BAG6: variants seen among roughly 807,000 people sequenced by gnomAD.
BAG6 encodes BAG cochaperone 6, also known as large proline-rich protein BAG6.
A neutral mutation model predicts 121.0 loss-of-function variants in BAG6; 22 were observed. That is an observed-to-expected ratio of 0.18 (90% CI 0.13 to 0.26). BAG6 has a LOEUF of 0.26. BAG6 is among the 10% of genes least tolerant of loss of function. The pLI, the probability that BAG6 is intolerant of heterozygous loss-of-function variation, is 1.00. For synonymous variants in BAG6, 583 were observed against 584.6 expected (o/e 1.00, Z 0.04); for missense variants, 1,233 against 1,537.7 (o/e 0.80, Z 3.31).
At chr6:31,649,417 C>A in intron 3 of BAG6, 22 bp from the exon 4 acceptor site, 10 of 1,605,754 alleles carry the variant, frequency 6.2e-6, no homozygotes, top group Non-Finnish European at 8.5e-6. Context: ...TAGACACACA[C>A]CAAAACATAG....
chr6:31,651,568 G>T, intron 2 of BAG6, 88 bp downstream of exon 2: 2 of 1,199,674 alleles, frequency 1.7e-6, no homozygotes, highest in South Asian at 2.6e-5. Flanking sequence ...AAAATCTGGT[G>T]ACCAGAAAAT....
rs756648977 is a variant in BAG6, at chr6:31,641,567, C to T, written c.2531G>A (p.Gly844Glu). ...IRMATHTLIT[G>E]LEEYVRESFS... is the part of the protein sequence containing the mutation. ...ACTCTCCCGCACATACTCTTCTAGC[C>T]CCGTGATCAATGTGTGGGTTGCCAT... Residue 844 changes from glycine to glutamate, a missense_variant, in exon 18 of 26, where the codon GGG becomes GAG. Gly to Glu is a moderately conservative substitution (Grantham distance 98). Around this residue, in one of 7 missense-constraint regions of BAG6, gnomAD observed 288 missense variants for 483.1 expected, o/e 0.60. Coordinates refer to ENST00000676615, the MANE Select transcript of BAG6 (RefSeq NM_001387994.1). The surrounding 1 kb of genome is among the most constrained non-coding windows in gnomAD (Gnocchi z 5.7). 2 of 1,614,082 alleles carry T rather than the reference C, an allele frequency of 1.2e-6. No homozygotes were observed. The highest frequency in any genetic ancestry group is 1.7e-6 in the Non-Finnish European group (2 of 1,179,976).
At position 31,643,023 on chromosome 6, in the gene BAG6, C is replaced by T. The variant is rs1338151062; in HGVS notation, c.1849G>A (p.Ala617Thr). 9.4e-6 allele frequency: 15 copies of T among 1,589,370 alleles called. No individual in the cohort carries two copies. The highest frequency in any genetic ancestry group is 1.7e-4 in the Middle Eastern group (1 of 6,044). The change falls in exon 15 of 26, where the codon GCT becomes ACT. Residue 617 changes from alanine to threonine, a missense_variant. Coordinates refer to ENST00000676615, the MANE Select transcript of BAG6 (RefSeq NM_001387994.1). ...TTNTATTAGP[A>T]PGGPAQPPPT... ...GGAGGCTGGGCAGGCCCCCCAGGAG[C>T]GGGGCCAGCTGTGGTAGCTGTGTTG...
Position 31,641,621 on chromosome 6 carries a change from C to A in BAG6, c.2506-29G>T, listed in dbSNP as rs1319890867. 6.2e-7 allele frequency: 1 copy of A among 1,614,032 alleles called. No homozygotes were observed. The highest frequency in any genetic ancestry group is 1.7e-5 in the Admixed American group (1 of 60,024). On this transcript the variant is annotated intron_variant, in intron 17 of 25. Transcript: ENST00000676615. The surrounding 1 kb of genome is among the most constrained non-coding windows in gnomAD (Gnocchi z 5.7). ...TGGAGGAAACAGAACAGGTTTAGTT[C>A]AAAGCCTCAGTCCTCCCAAGACTTC...
Position 31,644,338 on chromosome 6 carries a change from G to T in BAG6, c.1524C>A (p.Ala508=), listed in dbSNP as rs1786407968. ...HAVAHQITHQ[A]MVAAVASAAA... ...CCGCGGAGGCAACAGCTGCCACCATGGCCTGATGAGTGATCTGGTGGGCGA... is the reference window on the plus strand; with the variant it reads ...CCGCGGAGGCAACAGCTGCCACCATTGCCTGATGAGTGATCTGGTGGGCGA... Residue 508 remains alanine (A), a synonymous_variant, in exon 12 of 26, where the codon GCC becomes GCA. Coordinates refer to ENST00000676615, the MANE Select transcript of BAG6 (RefSeq NM_001387994.1). This position sits in a 1 kb window ranked among gnomAD's most constrained non-coding sequence, Gnocchi z 4.9. 2 of 1,551,512 alleles carry T rather than the reference G, an allele frequency of 1.3e-6. No homozygotes were observed. Among genetic ancestry groups the T allele is most frequent in the Non-Finnish European group, 1.7e-6 (2 of 1,147,168 alleles).
chr6:31,649,281 G>A lies in BAG6; in HGVS notation c.341C>T (p.Pro114Leu). ...GGCCCCAGGCCCCCGAGTACCAGGG[G>A]GGGATCCCCCACCATGAGTGGCTGA... ...SASATHGGGSPPGTRGPGASV... is the reference protein window; with the variant it reads ...SASATHGGGSLPGTRGPGASV... The change falls in exon 4 of 26, where the codon CCC becomes CTC. Residue 114 changes from proline (P) to leucine (L), a missense_variant. Physicochemically the swap from Pro to Leu is moderately conservative, Grantham distance 98. This residue lies in a region of BAG6 where 777 missense variants were observed against 861.4 expected (regional missense o/e 0.90). Transcript: ENST00000676615. 1.9e-6 allele frequency: 3 copies of A among 1,613,194 alleles called. No homozygotes were observed. The highest frequency in any genetic ancestry group is 1.1e-5 in the South Asian group (1 of 91,078).
In BAG6 at chr6:31,644,183, G is replaced by A. The variant is rs755161738; in HGVS notation, c.1567C>T (p.Pro523Ser). 1.3e-5 allele frequency: 21 copies of A among 1,613,378 alleles called. No homozygotes were observed. The South Asian group carries it at 2.1e-4, about 16-fold the overall frequency. ...VASAAAGQQV[P>S]GFPTAPTRVV... ...CGGGTTGGAGCTGTTGGGAAGCCTG[G>A]CACCTGCTGTCCTGTGGGTGGCAGA... The change falls in exon 13 of 26, where the codon CCA (proline) becomes TCA (serine). Residue 523 changes from proline (P) to serine (S), a missense_variant. Physicochemically the swap from Pro to Ser is moderately conservative, Grantham distance 74. Coordinates refer to ENST00000676615, the MANE Select transcript of BAG6 (RefSeq NM_001387994.1). The surrounding 1 kb of genome is among the most constrained non-coding windows in gnomAD (Gnocchi z 4.9).
At chr6:31,643,864 C>A in intron 14 of BAG6, 26 bp downstream of exon 14, 1 of 1,609,826 alleles carries the variant, frequency 6.2e-7, no homozygotes, top group African/African-American at 1.3e-5. Flanking sequence ...AGTTTAAACT[C>A]TGAGTGGGGA....
intron 2 of BAG6, 113 bp from the exon 3 acceptor site, chr6:31,649,740 C>T (rs1385645886): frequency 3.5e-6 from 3 of 848,034 alleles, no homozygotes; most frequent in East Asian, 2.4e-5. Context: ...AATCACTACC[C>T]GTTTGTCTTG....
rs1400132197 is a variant in BAG6 at position 31,646,498 on chromosome 6, C to T, written c.814G>A (p.Glu272Lys). 1 of 1,612,720 alleles carries T rather than the reference C, an allele frequency of 6.2e-7. No individual in the cohort carries two copies. The highest frequency in any genetic ancestry group is 1.7e-5 in the Admixed American group (1 of 60,008). Reference sequence around the variant, plus strand: ...AGCCGCTGTAGCTCCTGGAGCACCTCGACATACTCCGCAGGGGAAGGATGG... The same window carrying T: ...AGCCGCTGTAGCTCCTGGAGCACCTTGACATACTCCGCAGGGGAAGGATGG... ...PNHPSPAEYV[E>K]VLQELQRLES... The change falls in exon 8 of 26, where the codon GAG becomes AAG. Residue 272 changes from glutamate to lysine, a missense_variant. Transcript: ENST00000676615.
intron 8 of BAG6, among the ~76,000 whole-genome samples, chr6:31,645,952 TAG>T (rs1304577246): frequency 6.6e-6 from 1 of 152,204 alleles, no homozygotes; most frequent in Non-Finnish European, 1.5e-5. Flanking sequence ...CTTACAGGTT[TAG>T]AGAGAAATTG....
At chr6:31,643,212 GC>G in intron 14 of BAG6, 97 bp from the exon 15 acceptor site, 1 of 1,285,736 alleles carries the variant, frequency 7.8e-7, no homozygotes, top group Non-Finnish European at 1.1e-6. Flanking sequence ...AACTGCTTGA[GC>G]CCAGGAGTCT....
chr6:31,642,494 G>A (rs1162813333), intron 15 of BAG6, 91 bp from the exon 16 acceptor site: 3 of 671,608 alleles, frequency 4.5e-6, no homozygotes, highest in African/African-American at 1.8e-5. Context: ...ACAAACCAAC[G>A]GGTCTGGGAA....
intron 6 of BAG6, 113 bp from the exon 7 acceptor site, chr6:31,647,939 G>A (rs1054138257): frequency 2.1e-5 from 28 of 1,346,898 alleles, no homozygotes; most frequent in Non-Finnish European, 2.5e-5. Context: ...TGAAGGCATG[G>A]CTCTGCAATT....
rs1352082115 is a variant in BAG6 at position 31,642,230 on chromosome 6, G to A, written c.2217C>T (p.Leu739=). ...EFFTSVVQGV[L]SSLLGSLGAR... The stretch of plus-strand genomic sequence containing the variant: ...CCCCCAGGGAGCCCAGCAGGGAGCT[G>A]AGCACACCCTGCACCACTGAGGTAA... The change falls in exon 16 of 26, where the codon CTC becomes CTT. Residue 739 remains leucine, a synonymous_variant. Transcript: ENST00000676615. 4.3e-6 allele frequency: 7 copies of A among 1,612,680 alleles called. No homozygotes were observed. The East Asian group carries it at 6.7e-5, about 15-fold the overall frequency.
Position 31,645,434 on chromosome 6 carries a change from C to A in BAG6, c.1089G>T (p.Val363=). The A allele has an allele frequency of 1.2e-6, 2 of 1,613,082 alleles. No homozygotes were observed. The highest frequency in any genetic ancestry group is 1.7e-6 in the Non-Finnish European group (2 of 1,180,024). The change falls in exon 9 of 26, where the codon GTG becomes GTT. Residue 363 remains valine, a synonymous_variant. Coordinates refer to ENST00000676615, the MANE Select transcript of BAG6 (RefSeq NM_001387994.1). ...RPMSHYTTPM[V]LQQAAIPIQI... ...GTATGGGAATGGCTGCCTGCTGGAGCACCATGGGGGTGGTGTAGTGAGACA... is the reference window on the plus strand; with the variant it reads ...GTATGGGAATGGCTGCCTGCTGGAGAACCATGGGGGTGGTGTAGTGAGACA...
rs781745728 is a variant in BAG6 at position 31,644,382 on chromosome 6, G to A, written c.1480C>T (p.Pro494Ser). 1 of 1,551,856 alleles carries A rather than the reference G, an allele frequency of 6.4e-7. No homozygotes were observed. Among genetic ancestry groups the A allele is most frequent in the Non-Finnish European group, 8.7e-7 (1 of 1,147,528 alleles). ...TGGGCGACGGCGTGCATGAACTCAGGGGGCAGGGAGGGCAGCTGGATGAGG... is the reference window on the plus strand; with the variant it reads ...TGGGCGACGGCGTGCATGAACTCAGAGGGCAGGGAGGGCAGCTGGATGAGG... ...STLIQLPSLPPEFMHAVAHQI... is the reference protein window; with the variant it reads ...STLIQLPSLPSEFMHAVAHQI... The change falls in exon 12 of 26, where the codon CCT (proline) becomes TCT (serine). Residue 494 changes from proline to serine, a missense_variant. Around this residue, in one of 7 missense-constraint regions of BAG6, gnomAD observed 777 missense variants for 861.4 expected, o/e 0.90. Coordinates refer to ENST00000676615, the MANE Select transcript of BAG6 (RefSeq NM_001387994.1). The surrounding 1 kb of genome is among the most constrained non-coding windows in gnomAD (Gnocchi z 4.9).
At chr6:31,651,545 A>G in intron 2 of BAG6, 111 bp downstream of exon 2, 2 of 892,218 alleles carry the variant, frequency 2.2e-6, no homozygotes, top group Non-Finnish European at 3.4e-6. Context: ...TCTCAAAAAA[A>G]AGAAAAAAAA....
At chr6:31,639,992 A>G (rs990964077) in intron 24 of BAG6, among the ~76,000 whole-genome samples, 3 of 152,260 alleles carry the variant, frequency 2.0e-5, no homozygotes, top group Non-Finnish European at 2.9e-5. Flanking sequence ...CAACTAATAC[A>G]GGACTGCTAG....
Sources: gnomAD v4.1 joint callset for allele counts (sites outside exome capture counted in the v4.1 genomes callset) on GRCh38, gnomAD v4.1.1 for gene constraint, gnomAD v4.1.1 regional missense constraint, Gnocchi (gnomAD v3.1) non-coding constraint, MANE v1.5 for transcripts, NCBI Gene and HGNC (gene_info 2026-07-23, HGNC 2026-07-21) for gene names.